The following PPP1R9A variants were observed in gnomAD, a reference collection of about 807,000 sequenced individuals.
PPP1R9A encodes protein phosphatase 1 regulatory subunit 9A.
PPP1R9A carries 59 observed loss-of-function variants against 141.9 expected under a neutral mutation model. The observed-to-expected ratio is 0.42, with a 90% CI of 0.34 to 0.52. PPP1R9A has a LOEUF of 0.52. Ranked by LOEUF, PPP1R9A falls within the 20% of genes least tolerant of loss-of-function variation. The probability of loss-of-function intolerance (pLI) is 0.10; values close to 1 mark genes in which losing one functional copy is unlikely to be tolerated. For synonymous variants in PPP1R9A, 500 were observed against 569.7 expected, an observed-to-expected ratio of 0.88 and a Z score of 1.74; for missense variants, 1,444 against 1,611.9, an observed-to-expected ratio of 0.90 and a Z score of 1.78.
At chr7:94,998,719 A>G (rs994745656) in intron 2 of PPP1R9A, among the ~76,000 whole-genome samples, 1 of 152,142 alleles carries the variant, frequency 6.6e-6, no homozygotes, top group African/African-American at 2.4e-5. Flanking sequence ...ATTTCTGCTT[A>G]TCCGTTTTAC....
At chr7:94,919,681 T>A (rs1792543764) in intron 2 of PPP1R9A, among the ~76,000 whole-genome samples, 1 of 152,216 alleles carries the variant, frequency 6.6e-6, no homozygotes. Flanking sequence ...ATAGATTTCC[T>A]GTGCCTACAT....
chr7:95,268,301 GTA>G lies in PPP1R9A; in HGVS notation c.2666-247_2666-246del, dbSNP rs1390707525. The stretch of plus-strand genomic sequence containing the variant: ...TTTATAATTATATTGCAGGAAGGTT[GTA>G]TGCTTTTCGGATGTTGGATTTTTAT... On this transcript the variant is annotated intron_variant, in intron 12 of 19. Transcript: ENST00000433360. Among the ~76,000 whole-genome samples the G allele has an allele frequency of 2.0e-5, 3 of 152,110 alleles. 1 individual carries two copies. Among genetic ancestry groups the G allele is most frequent in the Non-Finnish European group, 1.5e-5 (1 of 68,012 alleles).
chr7:94,908,335 A>T (rs1394859270), intron 1 of PPP1R9A: 1 of 151,978 alleles, frequency 6.6e-6, no homozygotes, highest in Admixed American at 6.5e-5. Context: ...AAAGGGATTT[A>T]TTTTCATTAC....
intron 3 of PPP1R9A, among the ~76,000 whole-genome samples, chr7:95,118,522 A>G (rs1395164991): frequency 1.3e-5 from 2 of 152,166 alleles, no homozygotes; most frequent in African/African-American, 4.8e-5. Context: ...CTAGCATACC[A>G]CTGAGCAAAC....
At chr7:94,994,714 T>C (rs1801948658) in intron 2 of PPP1R9A, among the ~76,000 whole-genome samples, 1 of 151,856 alleles carries the variant, frequency 6.6e-6, no homozygotes, top group Non-Finnish European at 1.5e-5. Flanking sequence ...GCCAACATGG[T>C]GAAACCCCGT....
At chr7:94,928,595 A>G (rs1793765822) in intron 2 of PPP1R9A, among the ~76,000 whole-genome samples, 1 of 151,986 alleles carries the variant, frequency 6.6e-6, no homozygotes. Flanking sequence ...TGCCCTCACT[A>G]CTCACCTCAC....
chr7:95,042,530 A>C (rs1015194274), intron 2 of PPP1R9A, among the ~76,000 whole-genome samples: 1 of 152,184 alleles, frequency 6.6e-6, no homozygotes, highest in African/African-American at 2.4e-5. Flanking sequence ...TACTTCATTT[A>C]TGATGCCTTG....
chr7:95,061,365 A>G (rs1427221243), intron 2 of PPP1R9A, among the ~76,000 whole-genome samples: 1 of 152,258 alleles, frequency 6.6e-6, no homozygotes, highest in Non-Finnish European at 1.5e-5. Flanking sequence ...TTGGAATGCT[A>G]TCACTTATAA....
chr7:94,950,387 A>C (rs1252568059), intron 2 of PPP1R9A, among the ~76,000 whole-genome samples: 3 of 151,970 alleles, frequency 2.0e-5, no homozygotes, highest in Non-Finnish European at 4.4e-5. Context: ...TGATTTTGTC[A>C]ATTTTTATAG....
At chr7:94,967,442 TGTG>T (rs1798345440) in intron 2 of PPP1R9A, among the ~76,000 whole-genome samples, 1 of 152,206 alleles carries the variant, frequency 6.6e-6, no homozygotes, top group South Asian at 2.1e-4. Context: ...TGCTTTCTCT[TGTG>T]GGCATTTAGT....
At chr7:95,122,817 A>G (rs1822881702) in intron 4 of PPP1R9A, among the ~76,000 whole-genome samples, 1 of 152,192 alleles carries the variant, frequency 6.6e-6, no homozygotes, top group Non-Finnish European at 1.5e-5. Flanking sequence ...TAGTATTTCC[A>G]GTTATTAATT....
chr7:95,255,283 A>G (rs1799421229), intron 12 of PPP1R9A, among the ~76,000 whole-genome samples: 1 of 152,172 alleles, frequency 6.6e-6, no homozygotes, highest in Non-Finnish European at 1.5e-5. Flanking sequence ...TCACAGAAGC[A>G]ATACATTCTG....
intron 12 of PPP1R9A, among the ~76,000 whole-genome samples, chr7:95,254,623 T>C (rs2153015200): frequency 6.6e-6 from 1 of 152,312 alleles, no homozygotes; most frequent in South Asian, 2.1e-4. Flanking sequence ...AGCATGTTTT[T>C]AGGCATTGAG....
At chr7:94,951,564 G>A (rs968850231) in intron 2 of PPP1R9A, among the ~76,000 whole-genome samples, 1 of 151,790 alleles carries the variant, frequency 6.6e-6, no homozygotes, top group African/African-American at 2.4e-5. Context: ...TGAATTCATG[G>A]GATAAGTCTT....
At chr7:95,069,019 CTACTT>C (rs1813382771) in intron 2 of PPP1R9A, among the ~76,000 whole-genome samples, 1 of 152,180 alleles carries the variant, frequency 6.6e-6, no homozygotes. Context: ...GTCCTCCTGT[CTACTT>C]TAAACCATCT....
intron 8 of PPP1R9A, among the ~76,000 whole-genome samples, chr7:95,245,503 C>T (rs142018143): frequency 6.6e-6 from 1 of 152,216 alleles, no homozygotes; most frequent in Non-Finnish European, 1.5e-5. Flanking sequence ...ACAGTTGGAG[C>T]GTCCACTGGG....
chr7:95,090,334 CTAAG>C (rs1310014750), intron 2 of PPP1R9A, among the ~76,000 whole-genome samples: 1 of 151,888 alleles, frequency 6.6e-6, no homozygotes, highest in Non-Finnish European at 1.5e-5. Context: ...TCAGTTATCA[CTAAG>C]TAAATGAACA....
intron 2 of PPP1R9A, among the ~76,000 whole-genome samples, chr7:95,032,979 T>C (rs1807890418): frequency 6.6e-6 from 1 of 151,964 alleles, no homozygotes; most frequent in South Asian, 2.1e-4. Flanking sequence ...ATAGTAGTAG[T>C]ATACCTTACT....
intron 2 of PPP1R9A, among the ~76,000 whole-genome samples, chr7:94,979,989 A>T (rs1799892774): frequency 6.6e-6 from 1 of 152,028 alleles, no homozygotes; most frequent in Admixed American, 6.6e-5. Flanking sequence ...AATACTTGTG[A>T]ATTGGTATAA....
Sources: allele counts gnomAD v4.1 joint callset (sites outside exome capture counted in the v4.1 genomes callset), GRCh38; gene constraint gnomAD v4.1.1; transcripts MANE v1.5; gene names NCBI Gene and HGNC (gene_info 2026-07-23, HGNC 2026-07-21).